Variants in ARHGAP30 observed in about 807,000 individuals in gnomAD.
ARHGAP30 encodes the protein Rho GTPase activating protein 30, also known as rho GTPase-activating protein 30.
Under a neutral mutation model 72.0 loss-of-function variants are expected in ARHGAP30, and 23 were observed. The observed-to-expected ratio is 0.32, with a 90% CI of 0.23 to 0.45. ARHGAP30 has a LOEUF of 0.45. Among genes scored for constraint, ARHGAP30 ranks in the 20% least tolerant of loss-of-function variants. ARHGAP30 has a pLI of 1.00. For missense variants in ARHGAP30, 1,319 were observed against 1,383.4 expected (o/e 0.95, Z 0.74); for synonymous variants, 576 against 528.2 (o/e 1.09, Z -1.24).
intron 1 of ARHGAP30, among the ~76,000 whole-genome samples, chr1:161,067,125 G>T (rs1267121766): frequency 6.6e-6 from 1 of 152,072 alleles, no homozygotes; most frequent in Non-Finnish European, 1.5e-5. Context: ...TCACAGAGAT[G>T]GGGGAGTTAG....
At chr1:161,054,996 A>G (rs1651717112) in intron 3 of ARHGAP30, among the ~76,000 whole-genome samples, 1 of 152,052 alleles carries the variant, frequency 6.6e-6, no homozygotes, top group South Asian at 2.1e-4. Flanking sequence ...CAGTGGCGCC[A>G]CCCTGTGGGT....
rs1317402417 is a variant in ARHGAP30 at position 161,048,605 on chromosome 1, C to G, written c.2416G>C (p.Gly806Arg). ...EDEDKGQREK[G>R]YHEARKDQGD... is the part of the protein sequence containing the mutation. Reference sequence around the variant, plus strand: ...TGGTCTTTTCTTGCTTCATGGTACCCCTTCTCCCTCTGTCCTTTGTCCTCA... The same window carrying G: ...TGGTCTTTTCTTGCTTCATGGTACCGCTTCTCCCTCTGTCCTTTGTCCTCA... The change falls in exon 12 of 12, where the codon GGG becomes CGG. Residue 806 changes from glycine to arginine, a missense_variant. Physicochemically the swap from Gly to Arg is moderately radical, Grantham distance 125. Around this residue, in one of 2 missense-constraint regions of ARHGAP30, gnomAD observed 1,097 missense variants for 1,045.2 expected, o/e 1.05. Coordinates refer to ENST00000368013, the MANE Select transcript of ARHGAP30 (RefSeq NM_001025598.2). 1.2e-6 allele frequency: 2 copies of G among 1,613,964 alleles called. No homozygotes were observed. Among genetic ancestry groups the G allele is most frequent in the Non-Finnish European group, 1.7e-6 (2 of 1,179,988 alleles).
intron 2 of ARHGAP30, among the ~76,000 whole-genome samples, chr1:161,057,177 CAG>C (rs1651937247): frequency 6.8e-6 from 1 of 146,544 alleles, no homozygotes; most frequent in Non-Finnish European, 1.5e-5. Context: ...TTTTTTGAGA[CAG>C]AGTCTCACTC....
chr1:161,048,228 G>T lies in ARHGAP30; in HGVS notation c.2793C>A (p.Val931=), dbSNP rs780561047. 5.6e-6 allele frequency: 9 copies of T among 1,614,188 alleles called. No individual in the cohort carries two copies. In the South Asian group the frequency reaches 9.9e-5, roughly 18 times the overall value. Residue 931 remains valine (V), a synonymous_variant, in exon 12 of 12, where the codon GTC becomes GTA. Transcript: ENST00000368013. ...CCACAGGCACAGAGCGGACCTGTTG[G>T]ACCTGAACCAGAGTGGAAGCTAGAC... ...GMRLASTLVQ[V]QQVRSVPVVP...
chr1:161,053,294 G>C lies in ARHGAP30; in HGVS notation c.628C>G (p.His210Asp). The change falls in exon 6 of 12, where the codon CAC (histidine) becomes GAC (aspartate). Residue 210 changes from histidine (H) to aspartate (D), a missense_variant. His to Asp is a moderately conservative substitution (Grantham distance 81). This residue lies in a region of ARHGAP30 where 222 missense variants were observed against 338.2 expected (regional missense o/e 0.66). Coordinates refer to ENST00000368013, the MANE Select transcript of ARHGAP30 (RefSeq NM_001025598.2). The stretch of plus-strand genomic sequence containing the variant: ...GCACCCCCAAAGAGCTGGTCCACGT[G>C]TGTGAGGATGAACTCCACGACGATG... The part of the protein sequence containing the change: ...QSIVVEFILT[H>D]VDQLFGGAAL... 1.2e-6 allele frequency: 2 copies of C among 1,614,032 alleles called. No homozygotes were observed. The highest frequency in any genetic ancestry group is 1.7e-6 in the Non-Finnish European group (2 of 1,180,028).
chr1:161,051,215 G>T, intron 10 of ARHGAP30, 99 bp downstream of exon 10: 1 of 1,488,892 alleles, frequency 6.7e-7, no homozygotes. Flanking sequence ...CCCAAGGGCT[G>T]AGGCCTCTGC....
At chr1:161,054,519 G>A (rs748834187) in intron 4 of ARHGAP30, 46 bp from the exon 5 acceptor site, 2 of 1,604,658 alleles carry the variant, frequency 1.2e-6, no homozygotes, top group African/African-American at 2.7e-5. Context: ...GCCCAGGGCA[G>A]GCATTAGGGC....
intron 1 of ARHGAP30, among the ~76,000 whole-genome samples, chr1:161,061,447 C>CCAGATAAT (rs1170798581): frequency 6.6e-6 from 1 of 150,474 alleles, no homozygotes; most frequent in African/African-American, 2.4e-5. Flanking sequence ...GCCACCGCGC[C>CCAGATAAT]TGACCTGCTT....
In ARHGAP30 at chr1:161,056,398, T is replaced by G; in HGVS notation, c.335A>C (p.Asp112Ala). 1 of 1,613,752 alleles carries G rather than the reference T, an allele frequency of 6.2e-7. No homozygotes were observed. Among genetic ancestry groups the G allele is most frequent in the Non-Finnish European group, 8.5e-7 (1 of 1,179,854 alleles). Reference protein sequence around the residue: ...PDPLLTYRLYDKFAEAVGVQL... With the variant: ...PDPLLTYRLYAKFAEAVGVQL... ...GGCCTCTCAACTCACAGCAAACTTG[T>G]CATAGAGCCGGTAAGTGAGCAGGGG... The change falls in exon 3 of 12, where the codon GAC becomes GCC. Residue 112 changes from aspartate (D) to alanine (A), a missense_variant. Transcript: ENST00000368013.
intron 9 of ARHGAP30, among the ~76,000 whole-genome samples, chr1:161,052,032 ACCACCACCACCACCACCACC>A (rs1651431301): frequency 2.6e-5 from 2 of 76,682 alleles, no homozygotes; most frequent in Non-Finnish European, 5.2e-5. Context: ...CACCACCACC[ACCACCACCACCACCACCACC>A]ACCACCACAT....
Position 161,047,967 on chromosome 1 carries a change from G to A in ARHGAP30, c.3054C>T (p.Thr1018=), listed in dbSNP as rs1177187541. The change falls in exon 12 of 12, where the codon ACC becomes ACT. Residue 1018 remains threonine (T), a synonymous_variant. Coordinates refer to ENST00000368013, the MANE Select transcript of ARHGAP30 (RefSeq NM_001025598.2). ...AATCCCCACCCTCAGTACAGGTCTG[G>A]GTTCGCCGAACTCCTTGAGCCTCAG... ...QRTEAQGVRR[T]QTCTEGGDYC... 1.2e-6 allele frequency: 2 copies of A among 1,613,998 alleles called. No individual in the cohort carries two copies. The highest frequency in any genetic ancestry group is 1.7e-6 in the Non-Finnish European group (2 of 1,180,020).
rs11589295 is a variant in ARHGAP30, at chr1:161,069,755, G to T, written c.-131C>A. ...AGGGGGGCAGGGCTCCCAATTGGGG[G>T]TGGAGGGTGGCCTGGGCAACGGGCA... is the stretch of plus-strand genomic sequence containing the variant. On this transcript the variant is annotated 5_prime_UTR_variant, in exon 1 of 12. Coordinates refer to ENST00000368013, the MANE Select transcript of ARHGAP30 (RefSeq NM_001025598.2). The surrounding 1 kb of genome is among the most constrained non-coding windows in gnomAD (Gnocchi z 4.9). 1.6e-5 allele frequency: 16 copies of T among 974,574 alleles called. No homozygotes were observed. Among genetic ancestry groups the T allele is most frequent in the Admixed American group, 2.6e-5 (1 of 38,066 alleles). The allele number at this position is 974,574 out of a possible 1,614,324, so 60.4% of individuals were successfully genotyped here. A position where few individuals can be genotyped will look rare whatever the true frequency, so the allele number is the denominator to read the frequency against.
In ARHGAP30 at chr1:161,047,630, C is replaced by T. The variant is rs1427674481; in HGVS notation, c.*85G>A. The T allele has an allele frequency of 3.6e-6, 5 of 1,404,978 alleles. No homozygotes were observed. In the Admixed American group the frequency reaches 1.0e-4, roughly 29 times the overall value. The allele number at this position is 1,404,978 out of a possible 1,614,324, so 87.0% of individuals were successfully genotyped here. The stretch of plus-strand genomic sequence containing the variant: ...TATAGAGTTGGGCACTACAGCTGCT[C>T]ATGCTGCAGAGGAGACAGCTAGTCA... On this transcript the variant is annotated 3_prime_UTR_variant, in exon 12 of 12. Transcript: ENST00000368013.
At chr1:161,060,596 CAAA>C (rs34508166) in intron 1 of ARHGAP30, among the ~76,000 whole-genome samples, 23 of 92,066 alleles carry the variant, frequency 2.5e-4, no homozygotes, top group Admixed American at 2.1e-4. Flanking sequence ...AACTCCATCT[CAAA>C]AAAAAAAAAA....
Position 161,049,235 on chromosome 1 carries a change from G to A in ARHGAP30, c.1786C>T (p.Pro596Ser). 1.9e-6 allele frequency: 3 copies of A among 1,614,064 alleles called. No homozygotes were observed. The highest frequency in any genetic ancestry group is 2.5e-6 in the Non-Finnish European group (3 of 1,179,982). The stretch of plus-strand genomic sequence containing the variant: ...TTTTCCTCCTCAACTTCAGGCCTGG[G>A]GCCAGCGGAGTCCAGGGAACAGCAG... ...PSCCSLDSAGPRPEVEEENGE... is the reference protein window; with the variant it reads ...PSCCSLDSAGSRPEVEEENGE... Residue 596 changes from proline (P) to serine (S), a missense_variant, in exon 12 of 12, where the codon CCC (proline) becomes TCC (serine). Physicochemically the swap from Pro to Ser is moderately conservative, Grantham distance 74. Around this residue, in one of 2 missense-constraint regions of ARHGAP30, gnomAD observed 1,097 missense variants for 1,045.2 expected, o/e 1.05. Transcript: ENST00000368013.
chr1:161,058,999 G>T lies in ARHGAP30; in HGVS notation c.200+615C>A, dbSNP rs145302497. Among the ~76,000 whole-genome samples the T allele has an allele frequency of 6.4e-3, 979 of 152,112 alleles. 9 individuals are homozygous for T. Among genetic ancestry groups the T allele is most frequent in the Admixed American group, 0.011 (164 of 15,246 alleles). On this transcript the variant is annotated intron_variant, in intron 2 of 11. Coordinates refer to ENST00000368013, the MANE Select transcript of ARHGAP30 (RefSeq NM_001025598.2). ...ACGGAGTTATACATTTTTAAATGGTGAATTTTTTGATATGTAAATTATATC... is the reference window on the plus strand; with the variant it reads ...ACGGAGTTATACATTTTTAAATGGTTAATTTTTTGATATGTAAATTATATC...
chr1:161,069,614 C>T lies in ARHGAP30; in HGVS notation c.11G>A (p.Arg4Gln), dbSNP rs781743581. The T allele has an allele frequency of 9.9e-6, 16 of 1,610,064 alleles. No individual in the cohort carries two copies. The highest frequency in any genetic ancestry group is 4.0e-5 in the African/African-American group (3 of 74,936). The change falls in exon 1 of 12, where the codon CGG becomes CAG. Residue 4 changes from arginine (R) to glutamine (Q), a missense_variant. Physicochemically the swap from Arg to Gln is conservative, Grantham distance 43. Around this residue, in one of 2 missense-constraint regions of ARHGAP30, gnomAD observed 222 missense variants for 338.2 expected, o/e 0.66. Coordinates refer to ENST00000368013, the MANE Select transcript of ARHGAP30 (RefSeq NM_001025598.2). This position sits in a 1 kb window ranked among gnomAD's most constrained non-coding sequence, Gnocchi z 4.9. Reference sequence around the variant, plus strand: ...GCTGCCCTTCTTCTTTCCTTTCTGCCGAGACTTCATGGCCAGAGCCCCAGG... The same window carrying T: ...GCTGCCCTTCTTCTTTCCTTTCTGCTGAGACTTCATGGCCAGAGCCCCAGG... Reference protein sequence around the residue: MKSRQKGKKKGSAK... With the variant: MKSQQKGKKKGSAK...
chr1:161,057,205 C>T (rs940581559), intron 2 of ARHGAP30, among the ~76,000 whole-genome samples: 6 of 150,984 alleles, frequency 4.0e-5, no homozygotes, highest in Non-Finnish European at 5.9e-5. Flanking sequence ...CCCAGACTGG[C>T]ATGCAGTGGC....
intron 1 of ARHGAP30, among the ~76,000 whole-genome samples, chr1:161,067,905 C>T (rs1652883854): frequency 6.6e-6 from 1 of 152,198 alleles, no homozygotes; most frequent in Non-Finnish European, 1.5e-5. Context: ...GCCACCACTG[C>T]TACTCTGGTG....
Sources: allele counts gnomAD v4.1 joint callset (sites outside exome capture counted in the v4.1 genomes callset), GRCh38; gene constraint gnomAD v4.1.1; regional missense constraint gnomAD v4.1.1; non-coding constraint Gnocchi (gnomAD v3.1); transcripts MANE v1.5; gene names NCBI Gene and HGNC (gene_info 2026-07-23, HGNC 2026-07-21).